The following TMEM106B variants were observed in gnomAD, a reference collection of about 807,000 sequenced individuals.
TMEM106B encodes transmembrane protein 106B.
Under a neutral mutation model 31.1 loss-of-function variants are expected in TMEM106B, and 15 were observed. That is an observed-to-expected ratio of 0.48 (90% CI 0.32 to 0.74). The LOEUF (loss-of-function observed/expected upper bound fraction) is 0.74. Among genes scored for constraint, TMEM106B ranks in the 30% least tolerant of loss-of-function variants. The probability of loss-of-function intolerance (pLI) is 0.03; values close to 1 mark genes in which losing one functional copy is unlikely to be tolerated. For synonymous variants in TMEM106B, 126 were observed against 112.5 expected, an observed-to-expected ratio of 1.12 and a Z score of -0.76; for missense variants, 283 against 327.3, an observed-to-expected ratio of 0.86 and a Z score of 1.04.
chr7:12,216,651 A>G (rs1242418888), intron 2 of TMEM106B, among the ~76,000 whole-genome samples: 1 of 152,180 alleles, frequency 6.6e-6, no homozygotes, highest in African/African-American at 2.4e-5. Context: ...ACTGTAGCAT[A>G]TCAAGGTCAG....
chr7:12,212,493 GT>G (rs56761518), intron 1 of TMEM106B, among the ~76,000 whole-genome samples: 147 of 148,802 alleles, frequency 9.9e-4, no homozygotes, highest in African/African-American at 3.1e-3. Flanking sequence ...TAAATACATA[GT>G]TTTTTTTTTT....
chr7:12,234,892 G>A lies in TMEM106B; in HGVS notation c.*2917G>A, dbSNP rs1782099231. 6.6e-6 allele frequency: 1 copy of A among 151,820 alleles called. No individual in the cohort carries two copies. The allele number at this position is 151,820 out of a possible 1,614,324, so 9.4% of individuals were successfully genotyped here. A position where few individuals can be genotyped will look rare whatever the true frequency, so the allele number is the denominator to read the frequency against. On this transcript the variant is annotated 3_prime_UTR_variant, in exon 8 of 8. Transcript: ENST00000396668. ...CTTATCTTTTAGAAGAGGAAGGAAA[G>A]GCATGAAGAAGTTGAGGGACTGGCT...
rs1782047307 is a variant in TMEM106B, at chr7:12,232,589, T to G, written c.*614T>G. ...ATAAGCCAAAATAATCTTTGCAAAA[T>G]TCCATACCTAAAATTTTGAAAGCCC... On this transcript the variant is annotated 3_prime_UTR_variant, in exon 8 of 8. Coordinates refer to ENST00000396668, the MANE Select transcript of TMEM106B (RefSeq NM_001134232.2). 6.6e-6 allele frequency: 1 copy of G among 152,330 alleles called. No homozygotes were observed. The highest frequency in any genetic ancestry group is 2.1e-4 in the South Asian group (1 of 4,830). The allele number at this position is 152,330 out of a possible 1,614,324, so 9.4% of individuals were successfully genotyped here. A position where few individuals can be genotyped will look rare whatever the true frequency, so the allele number is the denominator to read the frequency against.
At chr7:12,231,744 T>C (rs1782027185) in intron 7 of TMEM106B, 93 bp from the exon 8 acceptor site, 2 of 984,292 alleles carry the variant, frequency 2.0e-6, no homozygotes. Flanking sequence ...TATTCTCTTC[T>C]GGGAGATAAT....
At position 12,237,963 on chromosome 7, in the gene TMEM106B, G is replaced by A. The variant is rs1782173187; in HGVS notation, c.*5988G>A. On this transcript the variant is annotated 3_prime_UTR_variant, in exon 8 of 8. Coordinates refer to ENST00000396668, the MANE Select transcript of TMEM106B (RefSeq NM_001134232.2). The stretch of plus-strand genomic sequence containing the variant: ...TGTTTGCTGATAGATCCATGTAGTG[G>A]TTACTAAAGTTGGGGTGGCTATGGC... 1 of 152,114 alleles carries A rather than the reference G, an allele frequency of 6.6e-6. No individual in the cohort carries two copies. Among genetic ancestry groups the A allele is most frequent in the Admixed American group, 6.6e-5 (1 of 15,244 alleles). The allele number at this position is 152,114 out of a possible 1,614,324, so 9.4% of individuals were successfully genotyped here.
intron 3 of TMEM106B, among the ~76,000 whole-genome samples, chr7:12,220,588 C>T (rs776359504): frequency 6.6e-6 from 1 of 152,282 alleles, no homozygotes; most frequent in East Asian, 1.9e-4. Flanking sequence ...CCATTTCTAT[C>T]ACAGTGGCAA....
intron 5 of TMEM106B, 64 bp from the exon 6 acceptor site, chr7:12,230,325 G>C: frequency 1.8e-6 from 2 of 1,142,216 alleles, no homozygotes; most frequent in South Asian, 1.3e-5. Context: ...AAGTTATGAA[G>C]TATATCTGAA....
intron 1 of TMEM106B, among the ~76,000 whole-genome samples, chr7:12,212,752 G>A (rs1030326299): frequency 6.6e-6 from 1 of 152,100 alleles, no homozygotes; most frequent in African/African-American, 2.4e-5. Flanking sequence ...TACCCACCAA[G>A]CAGGCTCCTA....
intron 3 of TMEM106B, among the ~76,000 whole-genome samples, chr7:12,220,928 G>A (rs796984229): frequency 2.0e-5 from 3 of 152,242 alleles, no homozygotes; most frequent in African/African-American, 7.2e-5. Context: ...ACCACAGTGT[G>A]ATATTGACAA....
At chr7:12,222,356 G>C (rs1352348242) in intron 3 of TMEM106B, among the ~76,000 whole-genome samples, 3 of 152,114 alleles carry the variant, frequency 2.0e-5, no homozygotes, top group African/African-American at 7.2e-5. Flanking sequence ...TGAAATACTA[G>C]ATGGAATGTT....
intron 4 of TMEM106B, among the ~76,000 whole-genome samples, chr7:12,224,635 T>TA (rs3839693): frequency 0.51 from 76,804 of 151,554 alleles, 20,490 homozygotes; most frequent in African/African-American, 0.66. Flanking sequence ...TAAAATAAAC[T>TA]AAAAAAAGAA....
Position 12,221,087 on chromosome 7 carries a change from AGT to A in TMEM106B, c.281+2589_281+2590del, listed in dbSNP as rs71027479. 3.9e-3 allele frequency among the ~76,000 whole-genome samples: 587 copies of A among 150,000 alleles called. 6 individuals are homozygous for A. The highest frequency in any genetic ancestry group is 0.013 in the African/African-American group (529 of 40,728). On this transcript the variant is annotated intron_variant, in intron 3 of 7. Coordinates refer to ENST00000396668, the MANE Select transcript of TMEM106B (RefSeq NM_001134232.2). ...GAAGAGGGAGTGGATAAGCAAGTAAAGTGTGTGTGTGTGTGTGTGTGTGTCTG... is the reference window on the plus strand; with the variant it reads ...GAAGAGGGAGTGGATAAGCAAGTAAAGTGTGTGTGTGTGTGTGTGTGTCTG...
At chr7:12,216,978 G>C (rs954218974) in intron 2 of TMEM106B, among the ~76,000 whole-genome samples, 1 of 152,102 alleles carries the variant, frequency 6.6e-6, no homozygotes, top group Non-Finnish European at 1.5e-5. Flanking sequence ...CTCCATAGCA[G>C]AGAGAAGAGA....
rs143032237 is a variant in TMEM106B at position 12,226,411 on chromosome 7, G to C, written c.441+2026G>C. ...ACAAAACAAACAAAAACCTTAGAGA[G>C]GTTTTCTACCTGTTTTACATGTTAA... On this transcript the variant is annotated intron_variant, in intron 4 of 7. Transcript: ENST00000396668. 8.8e-3 allele frequency among the ~76,000 whole-genome samples: 1,336 copies of C among 152,262 alleles called. 24 individuals carry two copies. Among genetic ancestry groups the C allele is most frequent in the African/African-American group, 0.03 (1,267 of 41,554 alleles).
chr7:12,218,559 T>G (rs564422921), intron 3 of TMEM106B, 38 bp downstream of exon 3: 3 of 1,554,210 alleles, frequency 1.9e-6, no homozygotes, highest in South Asian at 2.4e-5. Flanking sequence ...TTTTATGTTT[T>G]ATTTTTGTTT....
chr7:12,216,817 CTG>C (rs1212493449), intron 2 of TMEM106B, among the ~76,000 whole-genome samples: 1 of 151,994 alleles, frequency 6.6e-6, no homozygotes, highest in African/African-American at 2.4e-5. Flanking sequence ...AGTGTGAAGA[CTG>C]AGAACTGGCC....
rs973210161 is a variant in TMEM106B at position 12,232,866 on chromosome 7, T to A, written c.*891T>A. ...TTCCAGTTACAGCTTGGATCTGGCA[T>A]AAAATAAATTTGAAATAAAATATTT... On this transcript the variant is annotated 3_prime_UTR_variant, in exon 8 of 8. Coordinates refer to ENST00000396668, the MANE Select transcript of TMEM106B (RefSeq NM_001134232.2). 68 of 152,022 alleles carry A rather than the reference T, an allele frequency of 4.5e-4. No individual in the cohort carries two copies. Among genetic ancestry groups the A allele is most frequent in the African/African-American group, 1.6e-3 (65 of 41,556 alleles). 9.4% of individuals were successfully genotyped at this position (152,022 alleles called of 1,614,324 possible).
chr7:12,218,389 T>C (rs1781728218), intron 2 of TMEM106B, 69 bp from the exon 3 acceptor site: 12 of 1,333,466 alleles, frequency 9.0e-6, no homozygotes, highest in South Asian at 2.5e-5. Flanking sequence ...CCAAACCAGA[T>C]TGTGATGGGG....
chr7:12,212,108 C>T (rs1372277435), intron 1 of TMEM106B, among the ~76,000 whole-genome samples: 2 of 152,200 alleles, frequency 1.3e-5, no homozygotes, highest in East Asian at 1.9e-4. Context: ...CAGAGTCTGG[C>T]ACTTGTCCAA....
Sources: gnomAD v4.1 joint callset for allele counts (sites outside exome capture counted in the v4.1 genomes callset) on GRCh38, gnomAD v4.1.1 for gene constraint, MANE v1.5 for transcripts, NCBI Gene and HGNC (gene_info 2026-07-23, HGNC 2026-07-21) for gene names.